The following WDPCP variants were observed in gnomAD, a reference collection of about 807,000 sequenced individuals.
WDPCP encodes the protein WD repeat-containing and planar cell polarity effector protein fritz homolog.
In WDPCP, 71 loss-of-function variants were observed where a neutral mutation model predicts 93.1. The ratio of observed to expected loss-of-function variants is 0.76; its 90% CI spans 0.63 to 0.93. The LOEUF (loss-of-function observed/expected upper bound fraction) is 0.93, where lower values mean the gene tolerates loss of function less well. WDPCP is among the 40% of genes least tolerant of loss of function. The probability of loss-of-function intolerance (pLI) is 0.00; values close to 1 mark genes in which losing one functional copy is unlikely to be tolerated. For missense variants in WDPCP, 844 were observed against 887.4 expected (o/e 0.95, Z 0.62); for synonymous variants, 315 against 315.0 (o/e 1.00, Z 0.00).
At chr2:63,227,740 CAG>C (rs1255697518) in intron 14 of WDPCP, among the ~76,000 whole-genome samples, 2 of 152,058 alleles carry the variant, frequency 1.3e-5, no homozygotes, top group African/African-American at 4.8e-5. Context: ...ATAGTAATTA[CAG>C]AGCTTAGCAT....
chr2:63,807,503 C>T (rs1010547714), intron 2 of WDPCP, among the ~76,000 whole-genome samples: 1 of 152,210 alleles, frequency 6.6e-6, no homozygotes, highest in African/African-American at 2.4e-5. Flanking sequence ...TCTTATATAT[C>T]CTGCAGAACC....
At chr2:63,510,235 G>A (rs142462238) in intron 1 of WDPCP, among the ~76,000 whole-genome samples, 10 of 152,266 alleles carry the variant, frequency 6.6e-5, no homozygotes, top group Admixed American at 2.6e-4. Flanking sequence ...TATCCACCAC[G>A]ATCAAGTCGG....
chr2:63,296,575 T>G (rs1221262601), intron 13 of WDPCP, among the ~76,000 whole-genome samples: 1 of 152,200 alleles, frequency 6.6e-6, no homozygotes, highest in Non-Finnish European at 1.5e-5. Context: ...ACTTCTAGAC[T>G]TGAAAAATGA....
chr2:63,272,549 G>A (rs996128248), intron 13 of WDPCP, among the ~76,000 whole-genome samples: 3 of 152,120 alleles, frequency 2.0e-5, no homozygotes, highest in Non-Finnish European at 4.4e-5. Context: ...AAATAAAAAT[G>A]TTAAAGCAAA....
At chr2:63,126,431 T>G (rs1361307442) in intron 17 of WDPCP, among the ~76,000 whole-genome samples, 1 of 152,220 alleles carries the variant, frequency 6.6e-6, no homozygotes, top group African/African-American at 2.4e-5. Flanking sequence ...ATTCTCATTT[T>G]ACAGATGAAG....
intron 2 of WDPCP, among the ~76,000 whole-genome samples, chr2:63,710,575 C>T (rs1403089950): frequency 6.6e-6 from 1 of 152,114 alleles, no homozygotes; most frequent in Non-Finnish European, 1.5e-5. Flanking sequence ...ATTAATGGAC[C>T]AAGAGATCTC....
chr2:63,398,241 G>A (rs1471411772), intron 10 of WDPCP, among the ~76,000 whole-genome samples: 1 of 152,146 alleles, frequency 6.6e-6, no homozygotes, highest in Non-Finnish European at 1.5e-5. Flanking sequence ...AAGGAGAGCA[G>A]TGAAGGTTGG....
intron 2 of WDPCP, among the ~76,000 whole-genome samples, chr2:63,793,415 G>A (rs931552130): frequency 5.9e-5 from 9 of 152,150 alleles, no homozygotes; most frequent in Non-Finnish European, 1.2e-4. Flanking sequence ...CAAGACCAAC[G>A]TGAGCAAAAT....
chr2:63,661,584 TA>T (rs1433222626), intron 2 of WDPCP, among the ~76,000 whole-genome samples: 1 of 152,236 alleles, frequency 6.6e-6, no homozygotes, highest in Non-Finnish European at 1.5e-5. Context: ...AAAGGATATT[TA>T]AGTATCATTC....
intron 2 of WDPCP, chr2:63,717,539 G>C: frequency 2.1e-6 from 1 of 487,596 alleles, no homozygotes; most frequent in Non-Finnish European, 4.1e-6. Flanking sequence ...GGTTGTCCCA[G>C]GCTCTGGCCA....
chr2:63,799,513 G>C (rs1398307979), intron 2 of WDPCP, among the ~76,000 whole-genome samples: 3 of 152,158 alleles, frequency 2.0e-5, no homozygotes, highest in Admixed American at 2.0e-4. Flanking sequence ...CCACTCAATA[G>C]TAGCCTCAAT....
intron 3 of WDPCP, among the ~76,000 whole-genome samples, chr2:63,632,289 CAT>C (rs1279036534): frequency 3.3e-5 from 5 of 152,136 alleles, no homozygotes; most frequent in Non-Finnish European, 7.3e-5. Flanking sequence ...ATAGTGGAAA[CAT>C]ACACAGACAT....
At position 63,564,709 on chromosome 2, in the gene WDPCP, T is replaced by C. The variant is rs1479019062; in HGVS notation, c.75+23488A>G. 5 of 152,194 alleles carry C rather than the reference T, an allele frequency of 3.3e-5. No individual in the cohort carries two copies. The South Asian group carries it at 1.0e-3, about 32-fold the overall frequency. The allele number at this position is 152,194 out of a possible 1,614,324, so 9.4% of individuals were successfully genotyped here. A position where few individuals can be genotyped will look rare whatever the true frequency, so the allele number is the denominator to read the frequency against. The stretch of plus-strand genomic sequence containing the variant: ...ATAAAACAAATGTAAATAATTAAAG[T>C]TTCAAATGATGTTCTTTCTAAATCT... On this transcript the variant is annotated intron_variant, in intron 1 of 17. Transcript: ENST00000272321.
At chr2:63,595,937 A>C (rs1349515752) in intron 3 of WDPCP, among the ~76,000 whole-genome samples, 1 of 152,196 alleles carries the variant, frequency 6.6e-6, no homozygotes, top group Non-Finnish European at 1.5e-5. Flanking sequence ...GATGTCCTTC[A>C]TAGCTATACA....
At chr2:63,653,731 C>T (rs867428199) in intron 2 of WDPCP, among the ~76,000 whole-genome samples, 29 of 151,990 alleles carry the variant, frequency 1.9e-4, no homozygotes, top group African/African-American at 5.8e-4. Flanking sequence ...GCCAACAGGG[C>T]GAAACCCCGT....
chr2:63,766,332 A>C (rs1323287024), intron 2 of WDPCP, among the ~76,000 whole-genome samples: 1 of 151,890 alleles, frequency 6.6e-6, no homozygotes, highest in African/African-American at 2.4e-5. Context: ...CCCAAATATT[A>C]AATTTTTTTT....
intron 13 of WDPCP, among the ~76,000 whole-genome samples, chr2:63,309,314 A>C (rs1685993883): frequency 6.6e-6 from 1 of 152,150 alleles, no homozygotes; most frequent in African/African-American, 2.4e-5. Context: ...GAAAAATAAC[A>C]ATAATTAACA....
chr2:63,551,140 G>A (rs1705604231), intron 1 of WDPCP, among the ~76,000 whole-genome samples: 3 of 151,966 alleles, frequency 2.0e-5, no homozygotes, highest in Admixed American at 6.6e-5. Context: ...TTTCAAAAAT[G>A]AAGACCTTCA....
chr2:63,125,336 C>T (rs994149456), intron 17 of WDPCP, among the ~76,000 whole-genome samples: 3 of 152,188 alleles, frequency 2.0e-5, no homozygotes, highest in Non-Finnish European at 2.9e-5. Context: ...CACCTTTCCA[C>T]AGGAATGCCT....
Sources: gnomAD v4.1 joint callset for allele counts (sites outside exome capture counted in the v4.1 genomes callset) on GRCh38, gnomAD v4.1.1 for gene constraint, MANE v1.5 for transcripts, NCBI Gene and HGNC (gene_info 2026-07-23, HGNC 2026-07-21) for gene names.